PRKAG2: variants seen among roughly 807,000 people sequenced by gnomAD.
The protein encoded by PRKAG2 is 5'-AMP-activated protein kinase subunit gamma-2.
In PRKAG2, 26 loss-of-function variants were observed where a neutral mutation model predicts 69.6. The observed-to-expected ratio is 0.37, with a 90% CI of 0.27 to 0.52. PRKAG2 has a LOEUF of 0.52. Ranked by LOEUF, PRKAG2 falls within the 20% of genes least tolerant of loss-of-function variation. PRKAG2 has a pLI of 0.90. For synonymous variants in PRKAG2, 293 were observed against 285.0 expected (o/e 1.03, Z -0.28); for missense variants, 557 against 740.0 (o/e 0.75, Z 2.87).
intron 1 of PRKAG2, among the ~76,000 whole-genome samples, chr7:151,826,091 G>A (rs1345335354): frequency 5.3e-5 from 8 of 152,038 alleles, no homozygotes; most frequent in Admixed American, 3.9e-4. Context: ...GGTATGCAAA[G>A]CTGTGCACCC....
chr7:151,789,623 G>A (rs2077176869), intron 1 of PRKAG2, among the ~76,000 whole-genome samples: 2 of 152,250 alleles, frequency 1.3e-5, no homozygotes, highest in South Asian at 4.1e-4. Context: ...GGCTGACTGA[G>A]ACACGCCAGT....
rs139346437 is a variant in PRKAG2, at chr7:151,763,338, C to T, written c.466+17814G>A. ...CCATCCCGGCACAGAGTCGAGCACA[C>T]GGGTTGCTCTTGATGTCTTGGGTGG... On this transcript the variant is annotated intron_variant, in intron 3 of 15. Transcript: ENST00000287878. Among the ~76,000 whole-genome samples, 10 of 152,360 alleles carry T rather than the reference C, an allele frequency of 6.6e-5. No individual in the cohort carries two copies. The East Asian group carries it at 7.7e-4, about 12-fold the overall frequency.
At chr7:151,683,243 AGAG>A (rs1436963441) in intron 3 of PRKAG2, among the ~76,000 whole-genome samples, 5 of 152,168 alleles carry the variant, frequency 3.3e-5, no homozygotes, top group Non-Finnish European at 5.9e-5. Context: ...CAGGCGCTGG[AGAG>A]GAGGAGGAGG....
At chr7:151,739,963 CTTCTA>C (rs1441089724) in intron 3 of PRKAG2, among the ~76,000 whole-genome samples, 1 of 152,172 alleles carries the variant, frequency 6.6e-6, no homozygotes, top group East Asian at 1.9e-4. Context: ...GATTTTAGCT[CTTCTA>C]TTCTATATGT....
chr7:151,829,655 A>G (rs1266214235), intron 1 of PRKAG2, among the ~76,000 whole-genome samples: 1 of 152,084 alleles, frequency 6.6e-6, no homozygotes, highest in African/African-American at 2.4e-5. Context: ...AATAAACAGA[A>G]CACGGTATAT....
intron 4 of PRKAG2, among the ~76,000 whole-genome samples, chr7:151,648,177 A>G (rs942846536): frequency 6.6e-6 from 1 of 152,120 alleles, no homozygotes; most frequent in African/African-American, 2.4e-5. Flanking sequence ...TTGATTCATC[A>G]GCTATGCCTC....
In PRKAG2 at chr7:151,836,684, T is replaced by C. The variant is rs771820053; in HGVS notation, c.114+39823A>G. 1.3e-5 allele frequency among the ~76,000 whole-genome samples: 2 copies of C among 152,134 alleles called. No individual in the cohort carries two copies. Among genetic ancestry groups the C allele is most frequent in the Non-Finnish European group, 2.9e-5 (2 of 68,028 alleles). On this transcript the variant is annotated intron_variant, in intron 1 of 15. Transcript: ENST00000287878. This position sits in a 1 kb window ranked among gnomAD's most constrained non-coding sequence, Gnocchi z 4.1. ...TTAGCGGGGCACAGGAGGGCGTGTA[T>C]GCGGGTCCTCCAGGGTCCTCAGGCC...
At chr7:151,724,628 T>C (rs892348382) in intron 3 of PRKAG2, among the ~76,000 whole-genome samples, 2 of 152,100 alleles carry the variant, frequency 1.3e-5, no homozygotes, top group Non-Finnish European at 2.9e-5. Context: ...TCCCGGGCTT[T>C]GGGCACCCTT....
At chr7:151,847,205 C>T (rs537178278) in intron 1 of PRKAG2, among the ~76,000 whole-genome samples, 1 of 152,290 alleles carries the variant, frequency 6.6e-6, no homozygotes, top group African/African-American at 2.4e-5. Flanking sequence ...TCTGGGTACA[C>T]AGCAGTGTCC....
At chr7:151,874,429 TATG>T (rs1413830100) in intron 1 of PRKAG2, among the ~76,000 whole-genome samples, 1,117 of 58,290 alleles carry the variant, frequency 0.019, 24 homozygotes, top group Middle Eastern at 0.029. Flanking sequence ...TGTATATGTA[TATG>T]ATGTATATGT....
chr7:151,823,391 T>C (rs1328941673), intron 1 of PRKAG2, among the ~76,000 whole-genome samples: 3 of 151,076 alleles, frequency 2.0e-5, no homozygotes, highest in Non-Finnish European at 4.4e-5. Flanking sequence ...GACATTGGAG[T>C]CTTCACTCCC....
At chr7:151,581,989 A>G (rs1810588055) in intron 6 of PRKAG2, among the ~76,000 whole-genome samples, 1 of 152,250 alleles carries the variant, frequency 6.6e-6, no homozygotes, top group Non-Finnish European at 1.5e-5. Context: ...TGTATGGGAA[A>G]GTATACGGGG....
intron 3 of PRKAG2, among the ~76,000 whole-genome samples, chr7:151,678,484 C>G (rs1259043561): frequency 6.6e-6 from 1 of 152,122 alleles, no homozygotes; most frequent in Non-Finnish European, 1.5e-5. Context: ...AGGAAGTCAC[C>G]TATTAGAGAA....
intron 3 of PRKAG2, among the ~76,000 whole-genome samples, chr7:151,718,535 G>A (rs1796537179): frequency 6.7e-6 from 1 of 149,416 alleles, no homozygotes; most frequent in South Asian, 2.2e-4. Context: ...CGCTCTGTAA[G>A]TCATGGTGGG....
intron 3 of PRKAG2, among the ~76,000 whole-genome samples, chr7:151,750,084 A>AAG (rs1472871542): frequency 6.8e-6 from 1 of 147,292 alleles, no homozygotes; most frequent in African/African-American, 2.6e-5. Flanking sequence ...GTGACACAGC[A>AAG]AGACTCCATC....
chr7:151,655,373 A>C (rs903535546), intron 4 of PRKAG2, among the ~76,000 whole-genome samples: 1 of 152,172 alleles, frequency 6.6e-6, no homozygotes, highest in African/African-American at 2.4e-5. Context: ...GCTGGACCCT[A>C]ACACAGCCCA....
intron 3 of PRKAG2, among the ~76,000 whole-genome samples, chr7:151,684,464 C>A (rs1834372982): frequency 6.6e-6 from 1 of 152,182 alleles, no homozygotes; most frequent in African/African-American, 2.4e-5. Context: ...TTGCTTCATT[C>A]TTTGAACATC....
chr7:151,759,034 A>G (rs2075265188), intron 3 of PRKAG2, among the ~76,000 whole-genome samples: 1 of 152,104 alleles, frequency 6.6e-6, no homozygotes, highest in South Asian at 2.1e-4. Context: ...CATCCGATCG[A>G]CATCCGATGG....
chr7:151,677,077 C>T (rs1833063563), intron 3 of PRKAG2, among the ~76,000 whole-genome samples: 2 of 152,220 alleles, frequency 1.3e-5, no homozygotes, highest in African/African-American at 4.8e-5. Flanking sequence ...TTGTTTTAAG[C>T]CACTCAGTCG....
Sources: allele counts gnomAD v4.1 joint callset (sites outside exome capture counted in the v4.1 genomes callset), GRCh38; gene constraint gnomAD v4.1.1; non-coding constraint Gnocchi (gnomAD v3.1); transcripts MANE v1.5; gene names NCBI Gene and HGNC (gene_info 2026-07-23, HGNC 2026-07-21).